Variants in ASF1B observed in about 807,000 individuals in gnomAD.
ASF1B encodes the protein anti-silencing function 1B histone chaperone.
In ASF1B, 10 loss-of-function variants were observed where a neutral mutation model predicts 16.6. That is an observed-to-expected ratio of 0.60 (90% CI 0.37 to 1.02). The LOEUF (loss-of-function observed/expected upper bound fraction) is 1.02. Ranked by LOEUF, ASF1B falls within the 50% of genes least tolerant of loss-of-function variation. The pLI, the probability that ASF1B is intolerant of heterozygous loss-of-function variation, is 0.01. For missense variants in ASF1B, 240 were observed against 266.0 expected (o/e 0.90, Z 0.68); for synonymous variants, 101 against 106.2 (o/e 0.95, Z 0.30).
chr19:14,126,002 C>T (rs1020553801), intron 2 of ASF1B, 120 bp downstream of exon 2: 5 of 735,442 alleles, frequency 6.8e-6, no homozygotes, highest in African/African-American at 5.4e-5. Flanking sequence ...GGTCTATAGG[C>T]GTGAGCCCGT....
At chr19:14,131,317 T>A (rs1253139193) in intron 1 of ASF1B, among the ~76,000 whole-genome samples, 1 of 151,622 alleles carries the variant, frequency 6.6e-6, no homozygotes, top group Non-Finnish European at 1.5e-5. Context: ...CCTGAGTAGC[T>A]GGGATTATAG....
intron 1 of ASF1B, among the ~76,000 whole-genome samples, chr19:14,129,753 A>T (rs556277422): frequency 2.6e-4 from 38 of 144,646 alleles, no homozygotes; most frequent in Middle Eastern, 3.7e-3. Context: ...AGTTATAGGT[A>T]TAGGGCCAGG....
At chr19:14,123,017 G>A (rs147901713) in intron 2 of ASF1B, among the ~76,000 whole-genome samples, 2 of 152,206 alleles carry the variant, frequency 1.3e-5, no homozygotes, top group Non-Finnish European at 2.9e-5. Context: ...AACAGATTCA[G>A]GGTGTACTAC....
intron 1 of ASF1B, among the ~76,000 whole-genome samples, chr19:14,134,928 A>G (rs1967463241): frequency 6.6e-6 from 1 of 152,022 alleles, no homozygotes; most frequent in African/African-American, 2.4e-5. Context: ...TATATTAAAA[A>G]AAAAAAAGAA....
chr19:14,121,633 A>G lies in ASF1B; in HGVS notation c.301T>C (p.Tyr101His), dbSNP rs752225118. ...GVTVVLITCT[Y>H]HGQEFIRVGY... ...ACTCGGATGAACTCCTGTCCATGGTAGGTGCAGGTGATGAGGACCACAGTC... is the reference window on the plus strand; with the variant it reads ...ACTCGGATGAACTCCTGTCCATGGTGGGTGCAGGTGATGAGGACCACAGTC... The change falls in exon 3 of 4, where the codon TAC becomes CAC. Residue 101 changes from tyrosine (Y) to histidine (H), a missense_variant. Physicochemically the swap from Tyr to His is moderately conservative, Grantham distance 83. Transcript: ENST00000263382. 25 of 1,613,782 alleles carry G rather than the reference A, an allele frequency of 1.5e-5. No homozygotes were observed. Among genetic ancestry groups the G allele is most frequent in the Non-Finnish European group, 2.0e-5 (24 of 1,179,988 alleles).
At chr19:14,123,071 T>C (rs1420370898) in intron 2 of ASF1B, among the ~76,000 whole-genome samples, 2 of 152,266 alleles carry the variant, frequency 1.3e-5, no homozygotes, top group South Asian at 2.1e-4. Flanking sequence ...ATAAAACCAA[T>C]GCAAAATGAA....
chr19:14,120,581 T>C lies in ASF1B; in HGVS notation c.487A>G (p.Ile163Val). The part of the protein sequence containing the change: ...WDNNMDRLEA[I>V]ETQDPSLGCG... ...CCCAGGGAGGGGTCCTGGGTCTCTATGGCCTCCAGCCTGTCCATGTTGTTG... is the reference window on the plus strand; with the variant it reads ...CCCAGGGAGGGGTCCTGGGTCTCTACGGCCTCCAGCCTGTCCATGTTGTTG... The change falls in exon 4 of 4, where the codon ATA becomes GTA. Residue 163 changes from isoleucine to valine, a missense_variant. Transcript: ENST00000263382. The C allele has an allele frequency of 6.2e-7, 1 of 1,614,120 alleles. No individual in the cohort carries two copies. The highest frequency in any genetic ancestry group is 1.6e-4 in the Middle Eastern group (1 of 6,062).
intron 1 of ASF1B, among the ~76,000 whole-genome samples, chr19:14,127,533 C>G (rs1599358362): frequency 1.3e-5 from 2 of 152,196 alleles, no homozygotes; most frequent in African/African-American, 4.8e-5. Flanking sequence ...GGTGAGGTTG[C>G]TCAGGGAGCC....
chr19:14,127,625 C>G (rs1168563763), intron 1 of ASF1B, among the ~76,000 whole-genome samples: 1 of 151,056 alleles, frequency 6.6e-6, no homozygotes, highest in Non-Finnish European at 1.5e-5. Context: ...AATGTGGCAT[C>G]CCGGGGTGAT....
chr19:14,134,824 A>G (rs1880226490), intron 1 of ASF1B, among the ~76,000 whole-genome samples: 1 of 152,108 alleles, frequency 6.6e-6, no homozygotes, highest in South Asian at 2.1e-4. Flanking sequence ...GACTGTTTGA[A>G]GCTGGAGCCC....
At chr19:14,133,076 C>T (rs1423238362) in intron 1 of ASF1B, among the ~76,000 whole-genome samples, 2 of 151,652 alleles carry the variant, frequency 1.3e-5, no homozygotes, top group East Asian at 1.9e-4. Context: ...GCCATGATCA[C>T]GCCACTGCAC....
intron 2 of ASF1B, among the ~76,000 whole-genome samples, chr19:14,122,507 G>A (rs897007757): frequency 2.0e-5 from 3 of 151,378 alleles, no homozygotes; most frequent in African/African-American, 7.3e-5. Context: ...CTGGGACAAC[G>A]GTGTGTGCCA....
chr19:14,127,920 G>A (rs1055179847), intron 1 of ASF1B, among the ~76,000 whole-genome samples: 1 of 152,158 alleles, frequency 6.6e-6, no homozygotes, highest in Non-Finnish European at 1.5e-5. Context: ...TTACAGGTGT[G>A]AGCCACCGTG....
At chr19:14,122,716 T>C (rs1967259165) in intron 2 of ASF1B, among the ~76,000 whole-genome samples, 1 of 152,130 alleles carries the variant, frequency 6.6e-6, no homozygotes, top group Non-Finnish European at 1.5e-5. Flanking sequence ...TACAAAACGT[T>C]GACTGTGGCA....
intron 1 of ASF1B, among the ~76,000 whole-genome samples, chr19:14,129,341 T>C (rs1207549328): frequency 6.6e-6 from 1 of 151,904 alleles, no homozygotes; most frequent in Non-Finnish European, 1.5e-5. Flanking sequence ...GGAAAGAAAC[T>C]GGAGAATTAA....
rs762814793 is a variant in ASF1B, at chr19:14,120,568, T to C, written c.500A>G (p.Asp167Gly). 1 of 1,613,574 alleles carries C rather than the reference T, an allele frequency of 6.2e-7. No homozygotes were observed. Among genetic ancestry groups the C allele is most frequent in the African/African-American group, 1.3e-5 (1 of 74,760 alleles). The change falls in exon 4 of 4, where the codon GAC (aspartate) becomes GGC (glycine). Residue 167 changes from aspartate (D) to glycine (G), a missense_variant. Physicochemically the swap from Asp to Gly is moderately conservative, Grantham distance 94. Transcript: ENST00000263382. ...TGGGAGGCCGCAGCCCAGGGAGGGG[T>C]CCTGGGTCTCTATGGCCTCCAGCCT... ...MDRLEAIETQ[D>G]PSLGCGLPLN...
rs1388646184 is a variant in ASF1B at position 14,119,596 on chromosome 19, G to C, written c.*863C>G. 2 of 152,688 alleles carry C rather than the reference G, an allele frequency of 1.3e-5. No individual in the cohort carries two copies. The highest frequency in any genetic ancestry group is 3.8e-4 in the East Asian group (2 of 5,202). The allele number at this position is 152,688 out of a possible 1,614,324, so 9.5% of individuals were successfully genotyped here. ...TAATATACAAACAGCAATCACAACA[G>C]CATCCACATGGCAGCAAGGGGACCA... On this transcript the variant is annotated 3_prime_UTR_variant, in exon 4 of 4. Transcript: ENST00000263382.
Position 14,120,332 on chromosome 19 carries a change from G to A in ASF1B, c.*127C>T, listed in dbSNP as rs1406195156. On this transcript the variant is annotated 3_prime_UTR_variant, in exon 4 of 4. Transcript: ENST00000263382. ...GAGACCCAAGGCCTGTTCTTTCCTA[G>A]GGGCTGAGTTTGACAGACCTGGATT... is the stretch of plus-strand genomic sequence containing the variant. 1.1e-6 allele frequency: 1 copy of A among 896,828 alleles called. No homozygotes were observed. Among genetic ancestry groups the A allele is most frequent in the Non-Finnish European group, 1.7e-6 (1 of 588,510 alleles). 55.6% of individuals were successfully genotyped at this position (896,828 alleles called of 1,614,324 possible).
chr19:14,133,586 T>C (rs903241469), intron 1 of ASF1B, among the ~76,000 whole-genome samples: 2 of 151,566 alleles, frequency 1.3e-5, no homozygotes, highest in Non-Finnish European at 2.9e-5. Flanking sequence ...GAGAATCGCT[T>C]GAATCTGGGA....
Sources: gnomAD v4.1 joint callset for allele counts (sites outside exome capture counted in the v4.1 genomes callset) on GRCh38, gnomAD v4.1.1 for gene constraint, MANE v1.5 for transcripts, NCBI Gene and HGNC (gene_info 2026-07-23, HGNC 2026-07-21) for gene names.